The following SMARCA4 variants were observed in gnomAD, a reference collection of about 807,000 sequenced individuals.
SMARCA4 encodes the protein SWI/SNF related BAF chromatin remodeling complex subunit ATPase 4.
In SMARCA4, 31 loss-of-function variants were observed where a neutral mutation model predicts 193.9. That is an observed-to-expected ratio of 0.16 (90% CI 0.12 to 0.22). The LOEUF is 0.22. Ranked by LOEUF, SMARCA4 falls within the 10% of genes least tolerant of loss-of-function variation. The pLI, the probability that SMARCA4 is intolerant of heterozygous loss-of-function variation, is 1.00. For missense variants in SMARCA4, 1,148 were observed against 2,296.0 expected, an observed-to-expected ratio of 0.50 and a Z score of 10.22; for synonymous variants, 942 against 933.1, an observed-to-expected ratio of 1.01 and a Z score of -0.17.
chr19:10,998,895 CTTT>C (rs1335988156), intron 11 of SMARCA4, among the ~76,000 whole-genome samples: 9 of 138,412 alleles, frequency 6.5e-5, no homozygotes, highest in Admixed American at 7.3e-5. Context: ...GTCCTGGTTC[CTTT>C]TTTTTTTTTT....
chr19:11,010,287 G>T (rs2146227734), intron 14 of SMARCA4, 94 bp from the exon 15 acceptor site: 2 of 1,403,696 alleles, frequency 1.4e-6, no homozygotes, highest in Non-Finnish European at 2.0e-6. Context: ...TCATTCAGCA[G>T]AAAGGGCCAC....
At chr19:11,049,986 C>T (rs565534415) in intron 30 of SMARCA4, among the ~76,000 whole-genome samples, 12 of 152,276 alleles carry the variant, frequency 7.9e-5, no homozygotes, top group African/African-American at 2.4e-4. Context: ...CCTGTAATCC[C>T]AGCTACTTGG....
intron 30 of SMARCA4, among the ~76,000 whole-genome samples, chr19:11,057,408 A>T (rs2076605837): frequency 6.6e-6 from 1 of 152,208 alleles, no homozygotes; most frequent in African/African-American, 2.4e-5. Context: ...GGGTTAGATC[A>T]GTCCCCAGTG....
chr19:11,034,304 G>T lies in SMARCA4; in HGVS notation c.3951+104G>T. On this transcript the variant is annotated intron_variant, in intron 28 of 34. Coordinates refer to ENST00000344626, the MANE Select transcript of SMARCA4 (RefSeq NM_003072.5). The surrounding 1 kb of genome is among the most constrained non-coding windows in gnomAD (Gnocchi z 7.0). Reference sequence around the variant, plus strand: ...CCATGGTGGTATCCCTAGCAGGTCAGGGAGCCAGGGACAGCTCACAGTGCA... The same window carrying T: ...CCATGGTGGTATCCCTAGCAGGTCATGGAGCCAGGGACAGCTCACAGTGCA... 1 of 900,594 alleles carries T rather than the reference G, an allele frequency of 1.1e-6. No individual in the cohort carries two copies. Among genetic ancestry groups the T allele is most frequent in the Non-Finnish European group, 1.8e-6 (1 of 548,724 alleles). The allele number at this position is 900,594 out of a possible 1,614,324, so 55.8% of individuals were successfully genotyped here.
rs553848593 is a variant in SMARCA4, at chr19:11,033,532, G to C, written c.3774+15G>C. On this transcript the variant is annotated intron_variant, in intron 26 of 34. Transcript: ENST00000344626. This position sits in a 1 kb window ranked among gnomAD's most constrained non-coding sequence, Gnocchi z 9.8. ...AGCAGGATGAGGTGAGCCCAGCACC[G>C]GCCCCGACCCCTCCCCAGCGTGAAT... 1 of 1,597,356 alleles carries C rather than the reference G, an allele frequency of 6.3e-7. No homozygotes were observed. Among genetic ancestry groups the C allele is most frequent in the South Asian group, 1.1e-5 (1 of 90,756 alleles).
chr19:11,057,508 A>G (rs944977376), intron 30 of SMARCA4, among the ~76,000 whole-genome samples: 3 of 152,206 alleles, frequency 2.0e-5, no homozygotes, highest in Non-Finnish European at 4.4e-5. Flanking sequence ...AGGCAGGCAG[A>G]TCACGAGGTC....
At chr19:11,001,203 A>G (rs2087603640) in intron 11 of SMARCA4, among the ~76,000 whole-genome samples, 1 of 152,070 alleles carries the variant, frequency 6.6e-6, no homozygotes, top group East Asian at 1.9e-4. Context: ...GCATGAAGGC[A>G]TGTGCCTGTT....
intron 29 of SMARCA4, among the ~76,000 whole-genome samples, chr19:11,038,886 A>G (rs977793428): frequency 2.0e-5 from 3 of 152,194 alleles, no homozygotes; most frequent in African/African-American, 7.2e-5. Flanking sequence ...TGTCTTAAAC[A>G]ATGTCAGTTG....
In SMARCA4 at chr19:11,010,492, G is replaced by A. The variant is rs2146237817; in HGVS notation, c.2235G>A (p.Gln745=). ...AHAVTERVDK[Q]SALMVNGVLK... The stretch of plus-strand genomic sequence containing the variant: ...CTGTCACTGAGAGAGTGGACAAGCA[G>A]TCAGCGCTTATGGTCAATGGTGTCC... Residue 745 remains glutamine (Q), a synonymous_variant, in exon 15 of 35, where the codon CAG becomes CAA. Transcript: ENST00000344626. 6.2e-7 allele frequency: 1 copy of A among 1,614,138 alleles called. No individual in the cohort carries two copies. The highest frequency in any genetic ancestry group is 8.5e-7 in the Non-Finnish European group (1 of 1,180,030).
In SMARCA4 at chr19:10,986,815, T is replaced by C; in HGVS notation, c.761-90T>C. ...CGCTGGTTAATAGGTGTATCTGCTG[T>C]GTCCCCTGGAGCCAGGGCTGCCCAC... On this transcript the variant is annotated intron_variant, in intron 4 of 34. Coordinates refer to ENST00000344626, the MANE Select transcript of SMARCA4 (RefSeq NM_003072.5). The surrounding 1 kb of genome is among the most constrained non-coding windows in gnomAD (Gnocchi z 6.7). 1 of 1,282,982 alleles carries C rather than the reference T, an allele frequency of 7.8e-7. No individual in the cohort carries two copies. 79.5% of individuals were successfully genotyped at this position (1,282,982 alleles called of 1,614,324 possible).
chr19:11,007,943 C>G lies in SMARCA4; in HGVS notation c.2043C>G (p.Thr681=), dbSNP rs1255206893. ...EEQPQAAQPP[T]LPVEEKKKIP... ...AGCCGCAGGCAGCACAGCCTCCCACCCTGCCCGTGGAGGAGAAGAAGAAGA... is the reference window on the plus strand; with the variant it reads ...AGCCGCAGGCAGCACAGCCTCCCACGCTGCCCGTGGAGGAGAAGAAGAAGA... The change falls in exon 14 of 35, where the codon ACC becomes ACG. Residue 681 remains threonine, a synonymous_variant. Transcript: ENST00000344626. 6.2e-7 allele frequency: 1 copy of G among 1,613,600 alleles called. No individual in the cohort carries two copies. Among genetic ancestry groups the G allele is most frequent in the Non-Finnish European group, 8.5e-7 (1 of 1,179,724 alleles).
At position 10,989,330 on chromosome 19, in the gene SMARCA4, A is replaced by G. The variant is rs540717794; in HGVS notation, c.1132A>G (p.Ile378Val). Residue 378 changes from isoleucine (I) to valine (V), a missense_variant, in exon 7 of 35, where the codon ATC becomes GTC. Ile to Val is a conservative substitution (Grantham distance 29, BLOSUM62 3). Around this residue, in one of 17 missense-constraint regions of SMARCA4, gnomAD observed 69 missense variants for 186.9 expected, o/e 0.37. Coordinates refer to ENST00000344626, the MANE Select transcript of SMARCA4 (RefSeq NM_003072.5). ...CTCTGCTCCCAGGCTGCAGGCTCGC[A>G]TCGCACACCGAATTCAGGAACTTGA... Reference protein sequence around the residue: ...QEREYRLQARIAHRIQELENL... With the variant: ...QEREYRLQARVAHRIQELENL... 3 of 1,614,022 alleles carry G rather than the reference A, an allele frequency of 1.9e-6. No homozygotes were observed. The highest frequency in any genetic ancestry group is 1.3e-5 in the African/African-American group (1 of 75,018).
chr19:11,061,709 A>G (rs913262402), intron 34 of SMARCA4, 75 bp from the exon 35 acceptor site: 2 of 1,400,296 alleles, frequency 1.4e-6, no homozygotes, highest in African/African-American at 2.8e-5. Flanking sequence ...GTTTATTTAA[A>G]GTTTGGCAGG....
At position 10,986,153 on chromosome 19, in the gene SMARCA4, C is replaced by A; in HGVS notation, c.356-36C>A. 6.5e-7 allele frequency: 1 copy of A among 1,543,156 alleles called. No homozygotes were observed. The highest frequency in any genetic ancestry group is 9.0e-7 in the Non-Finnish European group (1 of 1,115,892). ...AGGCTGTAAAAATCACAGACATATG[C>A]TGCCGAGTGACCAGTGGGCTGACCT... On this transcript the variant is annotated intron_variant, in intron 3 of 34. Coordinates refer to ENST00000344626, the MANE Select transcript of SMARCA4 (RefSeq NM_003072.5). The surrounding 1 kb of genome is among the most constrained non-coding windows in gnomAD (Gnocchi z 6.7).
chr19:11,017,501 G>A (rs928152768), intron 16 of SMARCA4, among the ~76,000 whole-genome samples: 7 of 152,268 alleles, frequency 4.6e-5, no homozygotes, highest in African/African-American at 1.2e-4. Flanking sequence ...TGTTTACGGC[G>A]TATGGGCATC....
At position 11,030,976 on chromosome 19, in the gene SMARCA4, C is replaced by A. The variant is rs2146607546; in HGVS notation, c.3546+83C>A. On this transcript the variant is annotated intron_variant, in intron 25 of 34. Transcript: ENST00000344626. This position sits in a 1 kb window ranked among gnomAD's most constrained non-coding sequence, Gnocchi z 5.5. ...GAGGAGACGGCCCTGGCTTGAGGGT[C>A]CTCCAGCCTCCTCCACATTGTCTTG... The A allele has an allele frequency of 8.1e-7, 1 of 1,227,284 alleles. No individual in the cohort carries two copies. Among genetic ancestry groups the A allele is most frequent in the Non-Finnish European group, 1.2e-6 (1 of 860,096 alleles). 76.0% of individuals were successfully genotyped at this position (1,227,284 alleles called of 1,614,324 possible).
At position 11,060,036 on chromosome 19, in the gene SMARCA4, C is replaced by T. The variant is rs1457763107; in HGVS notation, c.4769-9C>T. ...CTCAAGGCTGTCTTTCCCTCCCGGT[C>T]CCCTCCAGCTCGGTCCGTCAAAGTG... On this transcript the variant is annotated splice_polypyrimidine_tract_variant and intron_variant, in intron 33 of 34. Coordinates refer to ENST00000344626, the MANE Select transcript of SMARCA4 (RefSeq NM_003072.5). 6.3e-7 allele frequency: 1 copy of T among 1,576,150 alleles called. No individual in the cohort carries two copies. The highest frequency in any genetic ancestry group is 8.6e-7 in the Non-Finnish European group (1 of 1,161,284).
chr19:10,972,448 T>G (rs1239941366), intron 1 of SMARCA4, among the ~76,000 whole-genome samples: 1 of 152,018 alleles, frequency 6.6e-6, no homozygotes, highest in Non-Finnish European at 1.5e-5. Context: ...TATGTGACAT[T>G]GTGTCATGTT....
At chr19:10,994,738 C>G in intron 8 of SMARCA4, 90 bp from the exon 9 acceptor site, 1 of 1,170,408 alleles carries the variant, frequency 8.5e-7, no homozygotes. Context: ...GGATTACAGG[C>G]CAATATTCTA....
Sources: gnomAD v4.1 joint callset for allele counts (sites outside exome capture counted in the v4.1 genomes callset) on GRCh38, gnomAD v4.1.1 for gene constraint, gnomAD v4.1.1 regional missense constraint, Gnocchi (gnomAD v3.1) non-coding constraint, MANE v1.5 for transcripts, NCBI Gene and HGNC (gene_info 2026-07-23, HGNC 2026-07-21) for gene names.